Variants in GATA4 observed in about 807,000 individuals in gnomAD.
The protein encoded by GATA4 is transcription factor GATA-4.
GATA4 carries 7 observed loss-of-function variants against 37.9 expected under a neutral mutation model. The ratio of observed to expected loss-of-function variants is 0.18; its 90% CI spans 0.11 to 0.35. The LOEUF (loss-of-function observed/expected upper bound fraction) is 0.35. Among genes scored for constraint, GATA4 ranks in the 10% least tolerant of loss-of-function variants. GATA4 has a pLI of 1.00. For synonymous variants in GATA4, 372 were observed against 292.6 expected, an observed-to-expected ratio of 1.27 and a Z score of -2.77; for missense variants, 647 against 653.0, an observed-to-expected ratio of 0.99 and a Z score of 0.10.
At position 11,757,083 on chromosome 8, in the gene GATA4, G is replaced by A. The variant is rs751950851; in HGVS notation, c.1149G>A (p.Gln383=). ...SHYGHSSSVS[Q]TFSVSAMSGH... ...ACGGGCACAGCAGCTCCGTGTCCCA[G>A]GTACGCGCCATGGCTGGGGCGCCAG... Residue 383 remains glutamine, a splice_region_variant and synonymous_variant, in exon 6 of 7, where the codon CAG becomes CAA. Coordinates refer to ENST00000532059, the MANE Select transcript of GATA4 (RefSeq NM_001308093.3). 2.2e-5 allele frequency: 35 copies of A among 1,613,716 alleles called. No homozygotes were observed. The highest frequency in any genetic ancestry group is 1.6e-4 in the Middle Eastern group (1 of 6,066).
rs538751193 is a variant in GATA4, at chr8:11,695,416, AT to A, written c.-729+2757del. 1.3e-3 allele frequency among the ~76,000 whole-genome samples: 191 copies of A among 152,248 alleles called. 1 individual carries two copies. Among genetic ancestry groups the A allele is most frequent in the African/African-American group, 3.9e-3 (162 of 41,524 alleles). On this transcript the variant is annotated intron_variant, in intron 1 of 2. Transcript: ENST00000526974. Reference sequence around the variant, plus strand: ...AGTGAAACTCCATCTCAAAAAAAAAATAAATAAAATAAATAAGAGCCAGAGT... The same window carrying A: ...AGTGAAACTCCATCTCAAAAAAAAAAAAATAAAATAAATAAGAGCCAGAGT...
intron 1 of GATA4, among the ~76,000 whole-genome samples, chr8:11,706,484 A>C (rs1215320278): frequency 6.6e-6 from 1 of 152,120 alleles, no homozygotes; most frequent in Non-Finnish European, 1.5e-5. Context: ...TATAATCCTC[A>C]CTCCTAAGCT....
chr8:11,747,054 C>T (rs1192194879), intron 2 of GATA4, among the ~76,000 whole-genome samples: 1 of 152,218 alleles, frequency 6.6e-6, no homozygotes, highest in African/African-American at 2.4e-5. Flanking sequence ...TCAACCCACT[C>T]CCGAGCTGGG....
At chr8:11,735,152 A>T (rs79716221) in intron 2 of GATA4, among the ~76,000 whole-genome samples, 3,261 of 152,356 alleles carry the variant, frequency 0.021, 110 homozygotes, top group African/African-American at 0.075. Flanking sequence ...GGTAAAACAA[A>T]GATTTGAAAA....
At position 11,708,077 on chromosome 8, in the gene GATA4, C is replaced by A; in HGVS notation, c.-236C>A. 1 of 609,022 alleles carries A rather than the reference C, an allele frequency of 1.6e-6. No homozygotes were observed. The allele number at this position is 609,022 out of a possible 1,614,324, so 37.7% of individuals were successfully genotyped here. ...GCTCCTACATCAGCTTCCGGAACCA[C>A]CAAAAATTCAAATTGGGATTTTCCG... is the stretch of plus-strand genomic sequence containing the variant. On this transcript the variant is annotated 5_prime_UTR_variant, in exon 2 of 7. Transcript: ENST00000532059. This position sits in a 1 kb window ranked among gnomAD's most constrained non-coding sequence, Gnocchi z 6.7.
At chr8:11,739,691 C>G (rs868855251) in intron 2 of GATA4, among the ~76,000 whole-genome samples, 1 of 147,402 alleles carries the variant, frequency 6.8e-6, no homozygotes. Flanking sequence ...ATGGGACTCT[C>G]TAGGCACTGG....
chr8:11,725,062 C>T (rs1478029753), intron 2 of GATA4, among the ~76,000 whole-genome samples: 1 of 152,256 alleles, frequency 6.6e-6, no homozygotes. Flanking sequence ...CACCGCCTTT[C>T]ATTCTCTGCT....
chr8:11,752,247 A>G (rs1230957168), intron 4 of GATA4, among the ~76,000 whole-genome samples: 1 of 152,228 alleles, frequency 6.6e-6, no homozygotes, highest in Non-Finnish European at 1.5e-5. Flanking sequence ...AGACCAGTGG[A>G]TGGGTGAACA....
chr8:11,736,311 G>A (rs1254475691), intron 2 of GATA4, among the ~76,000 whole-genome samples: 1 of 152,218 alleles, frequency 6.6e-6, no homozygotes, highest in Non-Finnish European at 1.5e-5. Flanking sequence ...CACGTTGAAT[G>A]CTTTCACAGG....
upstream of GATA4, among the ~76,000 whole-genome samples, chr8:11,691,269 G>C (rs759272509): frequency 1.5e-4 from 23 of 152,174 alleles, no homozygotes; most frequent in Non-Finnish European, 2.9e-4. Context: ...TATTCATTAT[G>C]AATGGCTAAG....
At chr8:11,701,244 G>GAAAAAAAAA (rs56051265), upstream of GATA4, among the ~76,000 whole-genome samples, 3 of 126,394 alleles carry the variant, frequency 2.4e-5, 1 homozygote, top group East Asian at 4.8e-4. Context: ...CAGGTTCTTA[G>GAAAAAAAAA]AAAAAAAAAA....
At chr8:11,740,127 C>G (rs1801655827) in intron 2 of GATA4, among the ~76,000 whole-genome samples, 2 of 152,206 alleles carry the variant, frequency 1.3e-5, no homozygotes, top group African/African-American at 4.8e-5. Flanking sequence ...AAGCCGGAAG[C>G]CCCAGGAGCT....
In GATA4 at chr8:11,749,034, C is replaced by T. The variant is rs146696080; in HGVS notation, c.735C>T (p.Tyr245=). The change falls in exon 3 of 7, where the codon TAC becomes TAT. Residue 245 remains tyrosine (Y), a synonymous_variant. Coordinates refer to ENST00000532059, the MANE Select transcript of GATA4 (RefSeq NM_001308093.3). This position sits in a 1 kb window ranked among gnomAD's most constrained non-coding sequence, Gnocchi z 4.6. ...ATCTGTGCAACGCCTGCGGCCTCTACCACAAGATGAACGGCATCAACCGGC... is the reference window on the plus strand; with the variant it reads ...ATCTGTGCAACGCCTGCGGCCTCTATCACAAGATGAACGGCATCAACCGGC... ...GHYLCNACGL[Y]HKMNGINRPL... is the part of the protein sequence containing the mutation. 2.6e-4 allele frequency: 421 copies of T among 1,614,236 alleles called. 1 individual carries two copies. The African/African-American group carries it at 4.8e-3, about 18-fold the overall frequency.
At chr8:11,693,075 C>A in intron 1 of GATA4, 1 of 985,084 alleles carries the variant, frequency 1.0e-6, no homozygotes, top group Non-Finnish European at 1.2e-6. Flanking sequence ...TTTTTCTACC[C>A]GGCAACAAAT....
upstream of GATA4, among the ~76,000 whole-genome samples, chr8:11,699,273 G>A (rs1440202988): frequency 6.6e-6 from 1 of 152,222 alleles, no homozygotes; most frequent in Non-Finnish European, 1.5e-5. Flanking sequence ...CTAGTCCAGG[G>A]ATGTTAACCC....
chr8:11,722,465 G>A (rs1452322569), intron 2 of GATA4, among the ~76,000 whole-genome samples: 2 of 152,304 alleles, frequency 1.3e-5, no homozygotes, highest in East Asian at 3.9e-4. Context: ...CAATTTCCCA[G>A]TTTGTCTAAT....
Position 11,709,914 on chromosome 8 carries a change from G to T in GATA4, c.616+986G>T, listed in dbSNP as rs1280700149. On this transcript the variant is annotated intron_variant, in intron 2 of 6. Coordinates refer to ENST00000532059, the MANE Select transcript of GATA4 (RefSeq NM_001308093.3). This position sits in a 1 kb window ranked among gnomAD's most constrained non-coding sequence, Gnocchi z 4.3. ...ATGCAAACGACCTCTGGAATTTCGG[G>T]AAGAGACGGAGGAGTGAGTTTGGAT... Among the ~76,000 whole-genome samples the T allele has an allele frequency of 6.6e-6, 1 of 152,202 alleles. No individual in the cohort carries two copies.
At chr8:11,757,702 C>T (rs1007488714) in intron 6 of GATA4, among the ~76,000 whole-genome samples, 4 of 152,214 alleles carry the variant, frequency 2.6e-5, no homozygotes, top group African/African-American at 9.7e-5. Flanking sequence ...TCAGGGGACG[C>T]CCTGGGGCAG....
intron 4 of GATA4, among the ~76,000 whole-genome samples, chr8:11,751,200 T>G (rs1802286009): frequency 6.6e-6 from 1 of 152,212 alleles, no homozygotes; most frequent in Non-Finnish European, 1.5e-5. Context: ...AAAGGGTTAA[T>G]ATTTCCAGAA....
Sources: allele counts gnomAD v4.1 joint callset (sites outside exome capture counted in the v4.1 genomes callset), GRCh38; gene constraint gnomAD v4.1.1; non-coding constraint Gnocchi (gnomAD v3.1); transcripts MANE v1.5; gene names NCBI Gene and HGNC (gene_info 2026-07-23, HGNC 2026-07-21).